Variants in DACH1 observed in about 807,000 individuals in gnomAD.
The protein encoded by DACH1 is dachshund homolog 1.
A neutral mutation model predicts 54.2 loss-of-function variants in DACH1; 12 were observed. That is an observed-to-expected ratio of 0.22 (90% confidence interval 0.14 to 0.36). The LOEUF (loss-of-function observed/expected upper bound fraction) is 0.36. Ranked by LOEUF, DACH1 falls within the 10% of genes least tolerant of loss-of-function variation. DACH1 has a pLI of 1.00. For synonymous variants in DACH1, 386 were observed against 366.2 expected (o/e 1.05, Z -0.62); for missense variants, 805 against 929.8 (o/e 0.87, Z 1.75).
chr13:71,490,272 A>G (rs536093553), intron 6 of DACH1, among the ~76,000 whole-genome samples: 3 of 152,224 alleles, frequency 2.0e-5, no homozygotes, highest in African/African-American at 7.2e-5. Flanking sequence ...TCATTACACC[A>G]TCTAACCACA....
intron 4 of DACH1, among the ~76,000 whole-genome samples, chr13:71,565,286 C>G (rs1169581640): frequency 6.6e-6 from 1 of 152,060 alleles, no homozygotes; most frequent in Non-Finnish European, 1.5e-5. Flanking sequence ...AACTTCTCAG[C>G]TTTAAGAAAA....
At chr13:71,618,803 T>C (rs1367901207) in intron 3 of DACH1, among the ~76,000 whole-genome samples, 2 of 151,874 alleles carry the variant, frequency 1.3e-5, no homozygotes, top group African/African-American at 4.8e-5. Context: ...ATAAATGCTT[T>C]ATTGATGATC....
intron 7 of DACH1, among the ~76,000 whole-genome samples, chr13:71,485,575 C>CTTTTTT (rs68024614): frequency 1.2e-3 from 55 of 46,152 alleles, no homozygotes; most frequent in Middle Eastern, 0.019. Context: ...TTCTTTTCTT[C>CTTTTTT]TTTTTTTTTT....
intron 1 of DACH1, among the ~76,000 whole-genome samples, chr13:71,700,101 A>G (rs1286224038): frequency 2.7e-5 from 4 of 149,866 alleles, no homozygotes; most frequent in East Asian, 3.9e-4. Flanking sequence ...ATGCATGTGC[A>G]CACACACACA....
chr13:71,475,179 C>T lies in DACH1; in HGVS notation c.2045G>A (p.Arg682His), dbSNP rs542332915. 24 of 1,613,854 alleles carry T rather than the reference C, an allele frequency of 1.5e-5. No homozygotes were observed. Among genetic ancestry groups the T allele is most frequent in the South Asian group, 1.3e-4 (12 of 91,072 alleles). The change falls in exon 10 of 11, where the codon CGC (arginine) becomes CAC (histidine). Residue 682 changes from arginine to histidine, a missense_variant. Transcript: ENST00000613252. ...DSLTPEIEAD[R>H]SGGRTDAERT... is the part of the protein sequence containing the mutation. ...TTCAGCATCTGTTCTGCCGCCACTG[C>T]GGTCAGCCTCTATCTCTGGGGTCAG...
At chr13:71,637,614 T>C (rs1185955944) in intron 2 of DACH1, among the ~76,000 whole-genome samples, 1 of 152,160 alleles carries the variant, frequency 6.6e-6, no homozygotes, top group Non-Finnish European at 1.5e-5. Context: ...AACCAATCCA[T>C]GGATATATCT....
chr13:71,627,434 C>T (rs759322688), intron 3 of DACH1, among the ~76,000 whole-genome samples: 4 of 151,698 alleles, frequency 2.6e-5, no homozygotes, highest in Non-Finnish European at 4.4e-5. Flanking sequence ...GAAATGTCAC[C>T]GGATTTGGGC....
chr13:71,593,930 TTCAA>T (rs1024396863), intron 3 of DACH1, among the ~76,000 whole-genome samples: 1 of 151,542 alleles, frequency 6.6e-6, no homozygotes. Flanking sequence ...TCTTAAATAT[TTCAA>T]TCAATTAGTT....
intron 7 of DACH1, among the ~76,000 whole-genome samples, chr13:71,486,621 C>T (rs903426975): frequency 6.6e-6 from 1 of 151,954 alleles, no homozygotes; most frequent in African/African-American, 2.4e-5. Flanking sequence ...TTATAATATA[C>T]ATGTGCATGA....
intron 1 of DACH1, among the ~76,000 whole-genome samples, chr13:71,687,687 G>A (rs1009443486): frequency 3.3e-5 from 5 of 152,066 alleles, no homozygotes; most frequent in African/African-American, 7.2e-5. Context: ...AGCTCACTGC[G>A]TCCTCAACCT....
At chr13:71,449,598 G>C (rs1012788099) in intron 10 of DACH1, among the ~76,000 whole-genome samples, 1 of 151,734 alleles carries the variant, frequency 6.6e-6, no homozygotes, top group Non-Finnish European at 1.5e-5. Flanking sequence ...CCTAGATGAT[G>C]GGTTGATGGG....
chr13:71,566,065 G>C (rs1884878338), intron 4 of DACH1, among the ~76,000 whole-genome samples: 1 of 152,180 alleles, frequency 6.6e-6, no homozygotes, highest in African/African-American at 2.4e-5. Context: ...GGTAAGTGCT[G>C]ATTTGACCAG....
At chr13:71,469,923 G>A (rs918078608) in intron 10 of DACH1, among the ~76,000 whole-genome samples, 2 of 152,106 alleles carry the variant, frequency 1.3e-5, no homozygotes, top group African/African-American at 4.8e-5. Flanking sequence ...TTTGATTATG[G>A]TCATTGGATG....
At chr13:71,799,599 C>G (rs1887205801) in intron 1 of DACH1, among the ~76,000 whole-genome samples, 1 of 152,042 alleles carries the variant, frequency 6.6e-6, no homozygotes, top group East Asian at 1.9e-4. Flanking sequence ...CTCTCAACCA[C>G]TGTGTTGGCA....
chr13:71,623,363 A>G (rs1566386215), intron 3 of DACH1, among the ~76,000 whole-genome samples: 28 of 151,674 alleles, frequency 1.8e-4, no homozygotes. Flanking sequence ...TTTAAGCTAT[A>G]TTTTTTAATA....
At chr13:71,735,764 A>G (rs1884086065) in intron 1 of DACH1, among the ~76,000 whole-genome samples, 1 of 152,016 alleles carries the variant, frequency 6.6e-6, no homozygotes, top group South Asian at 2.1e-4. Flanking sequence ...ATTAAGGGAA[A>G]GAGTCCAATT....
chr13:71,724,475 C>T (rs1054890421), intron 1 of DACH1, among the ~76,000 whole-genome samples: 2 of 152,102 alleles, frequency 1.3e-5, no homozygotes, highest in African/African-American at 4.8e-5. Context: ...AACTGACCAA[C>T]AGAAATCCTG....
chr13:71,647,048 AGAC>A (rs778178328), intron 2 of DACH1, among the ~76,000 whole-genome samples: 11 of 152,262 alleles, frequency 7.2e-5, no homozygotes, highest in Admixed American at 3.3e-4. Context: ...TCATACATTT[AGAC>A]AACAGACTTA....
chr13:71,797,047 T>C (rs1157690041), intron 1 of DACH1, among the ~76,000 whole-genome samples: 1 of 152,092 alleles, frequency 6.6e-6, no homozygotes, highest in Non-Finnish European at 1.5e-5. Context: ...TCCTCTCGTA[T>C]GTGTCAATAG....
Sources: gnomAD v4.1 joint callset for allele counts (sites outside exome capture counted in the v4.1 genomes callset) on GRCh38, gnomAD v4.1.1 for gene constraint, MANE v1.5 for transcripts, NCBI Gene and HGNC (gene_info 2026-07-23, HGNC 2026-07-21) for gene names.